Variants in PROCR observed in about 807,000 individuals in gnomAD.
PROCR encodes the protein protein C receptor, also known as endothelial protein C receptor.
PROCR carries 22 observed loss-of-function variants against 24.2 expected under a neutral mutation model. That is an observed-to-expected ratio of 0.91 (90% CI 0.65 to 1.30). PROCR has a LOEUF of 1.30. Among genes scored for constraint, PROCR ranks in the 50% most tolerant of loss-of-function variants. PROCR has a pLI of 0.00. For missense variants in PROCR, 288 were observed against 307.7 expected (o/e 0.94, Z 0.48); for synonymous variants, 137 against 139.2 (o/e 0.98, Z 0.11).
At chr20:35,205,868 TAC>T (rs2060339998) in intron 1 of PROCR, among the ~76,000 whole-genome samples, 1 of 144,818 alleles carries the variant, frequency 6.9e-6, no homozygotes, top group African/African-American at 2.6e-5. Flanking sequence ...TACATATGTA[TAC>T]ATGTATATAT....
downstream of PROCR, among the ~76,000 whole-genome samples, chr20:35,179,006 C>T (rs1406900277): frequency 6.8e-6 from 1 of 147,210 alleles, no homozygotes; most frequent in Non-Finnish European, 1.5e-5. Flanking sequence ...CCGAGGCGGG[C>T]GGATCACAAG....
chr20:35,176,859 C>T lies in PROCR; in HGVS notation c.*46C>T, dbSNP rs750574397. ...AAGGGGCTGGATTGATGGAGGCTGG[C>T]AAGGGAAAGTTTCAGCTCACTGTGA... On this transcript the variant is annotated 3_prime_UTR_variant, in exon 4 of 4. Transcript: ENST00000216968. 4 of 1,599,556 alleles carry T rather than the reference C, an allele frequency of 2.5e-6. No homozygotes were observed. In the African/African-American group the frequency reaches 5.4e-5, roughly 21 times the overall value.
At chr20:35,190,790 C>T (rs1313111687) in intron 1 of PROCR, among the ~76,000 whole-genome samples, 1 of 152,124 alleles carries the variant, frequency 6.6e-6, no homozygotes, top group Non-Finnish European at 1.5e-5. Flanking sequence ...ATGTCAAGTC[C>T]AACTTCTGAC....
intron 1 of PROCR, among the ~76,000 whole-genome samples, chr20:35,186,385 G>A (rs985770794): frequency 2.0e-5 from 3 of 151,788 alleles, no homozygotes; most frequent in Admixed American, 6.6e-5. Flanking sequence ...TGACCAACAT[G>A]GAGAAACCCC....
chr20:35,204,373 C>T (rs1432989787), intron 1 of PROCR, among the ~76,000 whole-genome samples: 1 of 132,430 alleles, frequency 7.6e-6, no homozygotes, highest in Non-Finnish European at 1.6e-5. Context: ...TCCTTCCCTC[C>T]CTCCCTCCCT....
intron 1 of PROCR, among the ~76,000 whole-genome samples, chr20:35,185,042 A>C (rs2086112116): frequency 6.6e-6 from 1 of 151,924 alleles, no homozygotes; most frequent in African/African-American, 2.4e-5. Flanking sequence ...AAAAAAAAAA[A>C]AAAAAAAATC....
chr20:35,195,870 C>T (rs1328283486), intron 1 of PROCR, among the ~76,000 whole-genome samples: 1 of 145,788 alleles, frequency 6.9e-6, no homozygotes, highest in Non-Finnish European at 1.5e-5. Flanking sequence ...AGAAAAAGAA[C>T]ATGATGTTTT....
At chr20:35,203,378 G>A (rs551720191) in intron 1 of PROCR, 1 of 152,244 alleles carries the variant, frequency 6.6e-6, no homozygotes, top group South Asian at 2.1e-4. Flanking sequence ...AATGTCTAAT[G>A]TTATTAGACA....
At chr20:35,191,080 G>A (rs905250106) in intron 1 of PROCR, among the ~76,000 whole-genome samples, 2 of 152,044 alleles carry the variant, frequency 1.3e-5, no homozygotes, top group Non-Finnish European at 2.9e-5. Context: ...GGATGGTCTC[G>A]ATCTCTTGAC....
chr20:35,176,025 C>T, intron 2 of PROCR, 143 bp from the exon 3 acceptor site: 1 of 948,558 alleles, frequency 1.1e-6, no homozygotes, highest in Admixed American at 1.8e-5. Flanking sequence ...CCAGGCCCTT[C>T]TCCCCATAGT....
At chr20:35,214,562 G>C (rs148602480) in intron 1 of PROCR, among the ~76,000 whole-genome samples, 1 of 151,598 alleles carries the variant, frequency 6.6e-6, no homozygotes. Context: ...GGTGGTGGGC[G>C]CCTGTAATCC....
intron 1 of PROCR, among the ~76,000 whole-genome samples, chr20:35,205,608 G>A (rs561542058): frequency 4.8e-4 from 72 of 149,788 alleles, no homozygotes; most frequent in Non-Finnish European, 8.6e-4. Flanking sequence ...AAAATTAGCC[G>A]GGTGTGGTGG....
At chr20:35,174,250 G>A in intron 1 of PROCR, 1 of 217,514 alleles carries the variant, frequency 4.6e-6, no homozygotes, top group Non-Finnish European at 9.5e-6. Flanking sequence ...TCAGGTGGAG[G>A]TCGGAATAGA....
At chr20:35,184,489 C>T (rs956963662) in intron 1 of PROCR, among the ~76,000 whole-genome samples, 1 of 152,224 alleles carries the variant, frequency 6.6e-6, no homozygotes, top group South Asian at 2.1e-4. Context: ...ATCACGAGGT[C>T]AGGAGATTGA....
At chr20:35,209,751 T>C (rs1200268191) in intron 1 of PROCR, among the ~76,000 whole-genome samples, 1 of 152,144 alleles carries the variant, frequency 6.6e-6, no homozygotes, top group Non-Finnish European at 1.5e-5. Context: ...GTGCAATGAC[T>C]TTCTTGGTCT....
upstream of PROCR, among the ~76,000 whole-genome samples, chr20:35,171,252 C>T (rs112681065): frequency 2.7e-4 from 41 of 152,160 alleles, no homozygotes; most frequent in African/African-American, 9.6e-4. Flanking sequence ...CTATCCAAAA[C>T]TCATCATAGA....
At chr20:35,212,092 A>G (rs572636848) in intron 1 of PROCR, among the ~76,000 whole-genome samples, 5 of 152,316 alleles carry the variant, frequency 3.3e-5, no homozygotes, top group African/African-American at 1.2e-4. Flanking sequence ...TACTGAAGAA[A>G]GAGTGATTTG....
intron 1 of PROCR, among the ~76,000 whole-genome samples, chr20:35,184,428 G>A (rs994709758): frequency 6.6e-5 from 10 of 152,318 alleles, no homozygotes; most frequent in East Asian, 3.9e-4. Flanking sequence ...GGAGCTGGGC[G>A]TGGTGGCTCA....
chr20:35,187,487 T>A (rs886084610), intron 1 of PROCR, among the ~76,000 whole-genome samples: 2 of 152,196 alleles, frequency 1.3e-5, no homozygotes, highest in African/African-American at 4.8e-5. Flanking sequence ...GATCCTGAGC[T>A]ATTGCTGCTA....
Sources: gnomAD v4.1 joint callset for allele counts (sites outside exome capture counted in the v4.1 genomes callset) on GRCh38, gnomAD v4.1.1 for gene constraint, MANE v1.5 for transcripts, NCBI Gene and HGNC (gene_info 2026-07-23, HGNC 2026-07-21) for gene names.